The following PTPRN2 variants were observed in gnomAD, a reference collection of about 807,000 sequenced individuals.
PTPRN2 encodes the protein receptor-type tyrosine-protein phosphatase N2.
PTPRN2 carries 74 observed loss-of-function variants against 118.8 expected under a neutral mutation model. That is an observed-to-expected ratio of 0.62 (90% CI 0.52 to 0.76). The LOEUF (loss-of-function observed/expected upper bound fraction) is 0.76, where lower values mean the gene tolerates loss of function less well. PTPRN2 is among the 30% of genes least tolerant of loss of function. The pLI is 0.00. For missense variants in PTPRN2, 1,481 were observed against 1,394.4 expected, an observed-to-expected ratio of 1.06 and a Z score of -0.99; for synonymous variants, 641 against 608.0, an observed-to-expected ratio of 1.05 and a Z score of -0.80.
intron 2 of PTPRN2, among the ~76,000 whole-genome samples, chr7:158,369,962 C>T (rs2151314136): frequency 6.6e-6 from 1 of 152,252 alleles, no homozygotes; most frequent in South Asian, 2.1e-4. Flanking sequence ...TCTCAGCGGG[C>T]AGGAGGCCCA....
At chr7:157,862,570 A>C (rs965435784) in intron 12 of PTPRN2, 5 of 152,264 alleles carry the variant, frequency 3.3e-5, no homozygotes, top group African/African-American at 1.2e-4. Context: ...CCAGCTGGTC[A>C]ACATACATTT....
intron 2 of PTPRN2, among the ~76,000 whole-genome samples, chr7:158,432,741 G>A (rs1430955205): frequency 1.3e-5 from 2 of 152,136 alleles, no homozygotes; most frequent in Non-Finnish European, 2.9e-5. Context: ...ATTTCCAGGA[G>A]CAAGGCCAGC....
chr7:158,390,700 A>AGCCC lies in PTPRN2; in HGVS notation c.164-73772_164-73769dup, dbSNP rs555629315. On this transcript the variant is annotated intron_variant, in intron 2 of 22. Coordinates refer to ENST00000389418, the MANE Select transcript of PTPRN2 (RefSeq NM_002847.5). ...CCGTCCCAGAGGGTGCAGAACCACC[A>AGCCC]GCCCCTCAGCTCTCAGCGCACTTTG... 3.6e-3 allele frequency among the ~76,000 whole-genome samples: 542 copies of AGCCC among 152,344 alleles called. 5 individuals are homozygous for AGCCC. The highest frequency in any genetic ancestry group is 0.017 in the Middle Eastern group (5 of 294).
chr7:158,153,775 C>A (rs1821428792), intron 6 of PTPRN2, among the ~76,000 whole-genome samples: 2 of 152,072 alleles, frequency 1.3e-5, no homozygotes, highest in South Asian at 4.1e-4. Flanking sequence ...ACAAGAACCA[C>A]TCTGCAGGCC....
Position 157,795,756 on chromosome 7 carries a change from G to A in PTPRN2, c.1788+102917C>T, listed in dbSNP as rs1326323462. ...GTTCCTGAGCCTGTGGACGAGGCGGGAGGCGGGAGGTGGAGGAGGTGGCAC... is the reference window on the plus strand; with the variant it reads ...GTTCCTGAGCCTGTGGACGAGGCGGAAGGCGGGAGGTGGAGGAGGTGGCAC... On this transcript the variant is annotated intron_variant, in intron 12 of 22. Coordinates refer to ENST00000389418, the MANE Select transcript of PTPRN2 (RefSeq NM_002847.5). 9.2e-5 allele frequency among the ~76,000 whole-genome samples: 14 copies of A among 152,342 alleles called. No individual in the cohort carries two copies. In the South Asian group the frequency reaches 1.5e-3, roughly 16 times the overall value.
intron 12 of PTPRN2, among the ~76,000 whole-genome samples, chr7:157,895,480 G>A (rs1797059752): frequency 1.3e-5 from 2 of 152,212 alleles, no homozygotes; most frequent in African/African-American, 4.8e-5. Context: ...TGATTGAAAA[G>A]ATAAAAGAAG....
At chr7:158,413,905 C>T (rs776907342) in intron 2 of PTPRN2, among the ~76,000 whole-genome samples, 1 of 151,976 alleles carries the variant, frequency 6.6e-6, no homozygotes, top group South Asian at 2.1e-4. Flanking sequence ...TTTGGGAGGC[C>T]GAGGCAGGTG....
chr7:158,579,970 C>T (rs1828539686), intron 1 of PTPRN2, among the ~76,000 whole-genome samples: 1 of 152,192 alleles, frequency 6.6e-6, no homozygotes, highest in Non-Finnish European at 1.5e-5. Context: ...AGATGGAAGT[C>T]CAGTGGTCTC....
chr7:157,645,530 G>C (rs554111621), intron 14 of PTPRN2, among the ~76,000 whole-genome samples: 1 of 152,218 alleles, frequency 6.6e-6, no homozygotes, highest in Non-Finnish European at 1.5e-5. Flanking sequence ...CACATGGTCC[G>C]TGTAGTCTGG....
At chr7:157,824,113 C>T (rs997886585) in intron 12 of PTPRN2, among the ~76,000 whole-genome samples, 8 of 152,200 alleles carry the variant, frequency 5.3e-5, no homozygotes, top group South Asian at 4.1e-4. Context: ...CGAGAGCACA[C>T]GGCCCCAGAG....
chr7:158,157,368 G>T (rs1821918927), intron 6 of PTPRN2, among the ~76,000 whole-genome samples: 1 of 152,264 alleles, frequency 6.6e-6, no homozygotes, highest in Non-Finnish European at 1.5e-5. Context: ...CTGGCTTACA[G>T]CAGCATGGAC....
chr7:157,710,220 G>A (rs1798534024), intron 12 of PTPRN2, among the ~76,000 whole-genome samples: 1 of 152,150 alleles, frequency 6.6e-6, no homozygotes, highest in African/African-American at 2.4e-5. Context: ...CGATCCCCTT[G>A]GACGAGGCTT....
intron 2 of PTPRN2, among the ~76,000 whole-genome samples, chr7:158,470,245 G>A (rs1442302177): frequency 6.6e-6 from 1 of 152,210 alleles, no homozygotes; most frequent in Admixed American, 6.5e-5. Context: ...GAAAAACTAA[G>A]GCCGACCAAT....
intron 10 of PTPRN2, among the ~76,000 whole-genome samples, chr7:158,100,408 A>G (rs975185902): frequency 1.3e-5 from 2 of 152,186 alleles, no homozygotes; most frequent in African/African-American, 2.4e-5. Flanking sequence ...CTTGTCCTCC[A>G]GGTAGATACC....
Position 157,930,364 on chromosome 7 carries a change from C to T in PTPRN2, c.1724-31627G>A, listed in dbSNP as rs376289964. Reference sequence around the variant, plus strand: ...AACATTCCTGGTGCCCCTCGTGATTCGCAGCCTCCTGAGAGGGGGTCTCTG... The same window carrying T: ...AACATTCCTGGTGCCCCTCGTGATTTGCAGCCTCCTGAGAGGGGGTCTCTG... On this transcript the variant is annotated intron_variant, in intron 11 of 22. Transcript: ENST00000389418. Among the ~76,000 whole-genome samples the T allele has an allele frequency of 2.7e-4, 41 of 152,298 alleles. No individual in the cohort carries two copies. The Middle Eastern group carries it at 0.014, about 51-fold the overall frequency.
At chr7:158,249,355 T>G (rs1425983754) in intron 3 of PTPRN2, among the ~76,000 whole-genome samples, 1 of 127,640 alleles carries the variant, frequency 7.8e-6, no homozygotes, top group Non-Finnish European at 1.6e-5. Flanking sequence ...ATCACACACA[T>G]GCACACCATA....
At chr7:158,383,788 A>G (rs1424699926) in intron 2 of PTPRN2, among the ~76,000 whole-genome samples, 1 of 152,192 alleles carries the variant, frequency 6.6e-6, no homozygotes, top group Non-Finnish European at 1.5e-5. Context: ...ACGCACACAT[A>G]TGTCTCAGAG....
At chr7:158,198,201 C>G (rs1451714981) in intron 4 of PTPRN2, among the ~76,000 whole-genome samples, 10 of 152,280 alleles carry the variant, frequency 6.6e-5, no homozygotes, top group African/African-American at 2.2e-4. Flanking sequence ...TTTGCTTCGC[C>G]TCTGTCCATG....
At chr7:158,320,098 T>C (rs1411595666) in intron 2 of PTPRN2, among the ~76,000 whole-genome samples, 5 of 9,702 alleles carry the variant, frequency 5.2e-4, no homozygotes, top group Non-Finnish European at 8.8e-4. Context: ...CACACTCACA[T>C]AGTCTCCCTC....
Sources: allele counts gnomAD v4.1 joint callset (sites outside exome capture counted in the v4.1 genomes callset), GRCh38; gene constraint gnomAD v4.1.1; transcripts MANE v1.5; gene names NCBI Gene and HGNC (gene_info 2026-07-23, HGNC 2026-07-21).